PXDNL: variants seen among roughly 807,000 people sequenced by gnomAD.
PXDNL encodes probable oxidoreductase PXDNL.
A neutral mutation model predicts 150.8 loss-of-function variants in PXDNL; 145 were observed. The ratio of observed to expected loss-of-function variants is 0.96; its 90% CI spans 0.84 to 1.10. The LOEUF is 1.10. Among genes scored for constraint, PXDNL ranks in the 50% least tolerant of loss-of-function variants. The pLI is 0.00. For synonymous variants in PXDNL, 757 were observed against 725.7 expected, an observed-to-expected ratio of 1.04 and a Z score of -0.69; for missense variants, 2,087 against 1,873.9, an observed-to-expected ratio of 1.11 and a Z score of -2.10.
intron 19 of PXDNL, among the ~76,000 whole-genome samples, chr8:51,348,718 G>T (rs534672297): frequency 6.6e-6 from 1 of 152,110 alleles, no homozygotes; most frequent in East Asian, 1.9e-4. Context: ...GGCTTTACAT[G>T]AGTTATTTAT....
At chr8:51,387,992 G>T (rs940629365) in intron 17 of PXDNL, among the ~76,000 whole-genome samples, 9 of 152,040 alleles carry the variant, frequency 5.9e-5, no homozygotes, top group African/African-American at 1.9e-4. Context: ...TGACTTCAGG[G>T]TTAACATTAC....
At chr8:51,728,064 T>C (rs1816847046) in intron 1 of PXDNL, among the ~76,000 whole-genome samples, 1 of 152,242 alleles carries the variant, frequency 6.6e-6, no homozygotes, top group South Asian at 2.1e-4. Flanking sequence ...TTTCAGTCAG[T>C]GATGGACCAC....
chr8:51,509,894 G>A (rs148078803), intron 4 of PXDNL, among the ~76,000 whole-genome samples: 97 of 151,704 alleles, frequency 6.4e-4, no homozygotes, highest in African/African-American at 2.1e-3. Flanking sequence ...TCATTTATTA[G>A]TTTTAAAGCT....
At chr8:51,674,743 G>A (rs913773823) in intron 1 of PXDNL, among the ~76,000 whole-genome samples, 4 of 152,182 alleles carry the variant, frequency 2.6e-5, no homozygotes, top group Non-Finnish European at 4.4e-5. Context: ...CCCCATGGGC[G>A]CTGTGCAGCC....
At chr8:51,476,117 A>AAAC (rs1291991815) in intron 6 of PXDNL, among the ~76,000 whole-genome samples, 7 of 151,550 alleles carry the variant, frequency 4.6e-5, no homozygotes, top group African/African-American at 1.7e-4. Context: ...ACAAACAAAC[A>AAAC]AAAAAGCTGT....
At chr8:51,802,286 T>C (rs1283140776) in intron 1 of PXDNL, among the ~76,000 whole-genome samples, 1 of 152,108 alleles carries the variant, frequency 6.6e-6, no homozygotes, top group Non-Finnish European at 1.5e-5. Flanking sequence ...CCAACAAAGT[T>C]ATGTAAATTA....
intron 5 of PXDNL, among the ~76,000 whole-genome samples, chr8:51,490,573 C>A (rs867352036): frequency 3.9e-4 from 59 of 149,920 alleles, no homozygotes; most frequent in South Asian, 3.4e-3. Context: ...AATGAATGGA[C>A]GAAATATGTA....
intron 9 of PXDNL, among the ~76,000 whole-genome samples, chr8:51,454,814 C>T (rs1809889669): frequency 6.6e-6 from 1 of 152,158 alleles, no homozygotes; most frequent in African/African-American, 2.4e-5. Flanking sequence ...AACAAACACA[C>T]TCCTCCTTGT....
chr8:51,703,187 GCTAT>G (rs1023260936), intron 1 of PXDNL, among the ~76,000 whole-genome samples: 18 of 151,828 alleles, frequency 1.2e-4, no homozygotes, highest in African/African-American at 4.4e-4. Context: ...AATTTTCTGT[GCTAT>G]CTAAGTAATT....
chr8:51,641,624 A>T (rs1243971723), intron 2 of PXDNL, among the ~76,000 whole-genome samples: 1 of 151,352 alleles, frequency 6.6e-6, no homozygotes, highest in Non-Finnish European at 1.5e-5. Flanking sequence ...ATCACTGGCC[A>T]TCAGAGAAAT....
intron 11 of PXDNL, 97 bp from the exon 12 acceptor site, chr8:51,447,259 G>A: frequency 7.8e-7 from 1 of 1,276,030 alleles, no homozygotes; most frequent in Non-Finnish European, 1.1e-6. Context: ...CTGTCTTTCA[G>A]GAAATTCTCG....
At chr8:51,607,982 GAAGA>G (rs1320592898) in intron 2 of PXDNL, among the ~76,000 whole-genome samples, 1 of 120,408 alleles carries the variant, frequency 8.3e-6, no homozygotes. Context: ...AGGAAGGAAG[GAAGA>G]GAGAGAGGAA....
At chr8:51,414,985 T>C (rs1299514225) in intron 14 of PXDNL, among the ~76,000 whole-genome samples, 1 of 152,192 alleles carries the variant, frequency 6.6e-6, no homozygotes, top group Non-Finnish European at 1.5e-5. Flanking sequence ...AGAGTTCCTA[T>C]AAATCCTCAG....
chr8:51,324,257 C>T (rs553422466), intron 21 of PXDNL, among the ~76,000 whole-genome samples: 1 of 152,304 alleles, frequency 6.6e-6, no homozygotes, highest in African/African-American at 2.4e-5. Context: ...CCTTTTCAAT[C>T]TATAGGCCTT....
At chr8:51,644,343 C>CATATATATATATATATAT (rs1814859165) in intron 2 of PXDNL, among the ~76,000 whole-genome samples, 1 of 46,762 alleles carries the variant, frequency 2.1e-5, no homozygotes, top group Non-Finnish European at 6.0e-5. Context: ...TATATACACA[C>CATATATATATATATATAT]ACACACACAC....
chr8:51,659,843 A>G (rs1344591785), intron 1 of PXDNL, among the ~76,000 whole-genome samples: 1 of 151,450 alleles, frequency 6.6e-6, no homozygotes, highest in East Asian at 1.9e-4. Flanking sequence ...TGACTGTCCA[A>G]TTCACAAATT....
chr8:51,571,679 C>T (rs1271247369), intron 3 of PXDNL, among the ~76,000 whole-genome samples: 1 of 151,688 alleles, frequency 6.6e-6, no homozygotes, highest in Non-Finnish European at 1.5e-5. Context: ...GGCTGTTAAC[C>T]AAAAGCATGT....
At position 51,612,810 on chromosome 8, in the gene PXDNL, T is replaced by C. The variant is rs191363551; in HGVS notation, c.237-20112A>G. Among the ~76,000 whole-genome samples the C allele has an allele frequency of 1.1e-3, 171 of 152,370 alleles. 1 individual carries two copies. Among genetic ancestry groups the C allele is most frequent in the Non-Finnish European group, 1.3e-4 (9 of 68,042 alleles). ...AATTGTGAGAAATAAATTTCTGTTA[T>C]TCATAAGCCACTCAGTCTATGATAT... On this transcript the variant is annotated intron_variant, in intron 2 of 22. Transcript: ENST00000356297.
intron 4 of PXDNL, among the ~76,000 whole-genome samples, chr8:51,527,408 G>C (rs867593184): frequency 2.6e-5 from 4 of 152,154 alleles, no homozygotes; most frequent in African/African-American, 9.6e-5. Context: ...TCCACACCTG[G>C]TAAATATTCA....
Sources: gnomAD v4.1 joint callset for allele counts (sites outside exome capture counted in the v4.1 genomes callset) on GRCh38, gnomAD v4.1.1 for gene constraint, MANE v1.5 for transcripts, NCBI Gene and HGNC (gene_info 2026-07-23, HGNC 2026-07-21) for gene names.